The following SCFD1 variants were observed in gnomAD, a reference collection of about 807,000 sequenced individuals.
SCFD1 encodes sec1 family domain containing 1.
Under a neutral mutation model 103.2 loss-of-function variants are expected in SCFD1, and 37 were observed. That is an observed-to-expected ratio of 0.36 (90% CI 0.28 to 0.47). The LOEUF (loss-of-function observed/expected upper bound fraction) is 0.47. Ranked by LOEUF, SCFD1 falls within the 20% of genes least tolerant of loss-of-function variation. SCFD1 has a pLI of 1.00. For synonymous variants in SCFD1, 264 were observed against 245.0 expected, an observed-to-expected ratio of 1.08 and a Z score of -0.73; for missense variants, 639 against 761.2, an observed-to-expected ratio of 0.84 and a Z score of 1.89.
At chr14:30,726,184 A>T (rs577035881) in intron 23 of SCFD1, among the ~76,000 whole-genome samples, 1 of 151,470 alleles carries the variant, frequency 6.6e-6, no homozygotes, top group South Asian at 2.1e-4. Flanking sequence ...TAGTTACTGA[A>T]GTAGATTATA....
chr14:30,635,021 T>C (rs1302643231), intron 4 of SCFD1: 1 of 454,828 alleles, frequency 2.2e-6, no homozygotes, highest in Admixed American at 2.4e-5. Context: ...AGGAGAAAAG[T>C]AGATATTGGA....
intron 9 of SCFD1, among the ~76,000 whole-genome samples, 180 bp from the exon 10 acceptor site, chr14:30,653,309 G>A (rs965154233): frequency 6.6e-6 from 1 of 152,076 alleles, no homozygotes; most frequent in Non-Finnish European, 1.5e-5. Context: ...TCAACAAAAA[G>A]CAAAGTATTG....
intron 15 of SCFD1, among the ~76,000 whole-genome samples, chr14:30,696,120 G>GT (rs1890684660): frequency 6.6e-6 from 1 of 152,040 alleles, no homozygotes; most frequent in South Asian, 2.1e-4. Flanking sequence ...CATAATTATG[G>GT]TTTTTGAGTT....
chr14:30,641,330 T>C (rs901689057), intron 6 of SCFD1, among the ~76,000 whole-genome samples: 1 of 152,220 alleles, frequency 6.6e-6, no homozygotes, highest in African/African-American at 2.4e-5. Context: ...CTAAGGCTGC[T>C]ATCTTAGACA....
chr14:30,676,881 A>G (rs1889076639), intron 14 of SCFD1, among the ~76,000 whole-genome samples: 1 of 152,140 alleles, frequency 6.6e-6, no homozygotes. Context: ...TTTATAAGAC[A>G]TAATTTACTT....
intron 7 of SCFD1, among the ~76,000 whole-genome samples, chr14:30,646,387 C>T (rs1365499463): frequency 6.6e-6 from 1 of 150,384 alleles, no homozygotes; most frequent in Non-Finnish European, 1.5e-5. Context: ...TTGAGATGAT[C>T]ATATGGTTTT....
chr14:30,668,554 C>G (rs1304271718), intron 10 of SCFD1, among the ~76,000 whole-genome samples: 1 of 152,130 alleles, frequency 6.6e-6, no homozygotes, highest in Non-Finnish European at 1.5e-5. Context: ...CAAATGGGAT[C>G]TAATTAAACT....
chr14:30,644,533 A>G (rs1256182384), intron 7 of SCFD1, among the ~76,000 whole-genome samples: 2 of 152,162 alleles, frequency 1.3e-5, no homozygotes, highest in African/African-American at 4.8e-5. Context: ...CTTTTTAATA[A>G]TAGACATTCT....
chr14:30,646,235 A>C lies in SCFD1; in HGVS notation c.613+2830A>C, dbSNP rs139882823. On this transcript the variant is annotated intron_variant, in intron 7 of 24. Coordinates refer to ENST00000458591, the MANE Select transcript of SCFD1 (RefSeq NM_016106.4). ...ATGGGGTTTCACCATGTTGGTCAGGATGGTCTCAATCTCTTGACCTCGTGA... is the reference window on the plus strand; with the variant it reads ...ATGGGGTTTCACCATGTTGGTCAGGCTGGTCTCAATCTCTTGACCTCGTGA... 5.6e-3 allele frequency among the ~76,000 whole-genome samples: 849 copies of C among 151,212 alleles called. 10 individuals are homozygous for C. Among genetic ancestry groups the C allele is most frequent in the African/African-American group, 0.019 (779 of 41,182 alleles).
At chr14:30,715,647 C>T (rs527757806) in intron 19 of SCFD1, 2 of 231,282 alleles carry the variant, frequency 8.6e-6, no homozygotes, top group South Asian at 2.7e-4. Flanking sequence ...AAACACCCAA[C>T]AAAGTAAAAA....
At chr14:30,696,202 T>C (rs1890689317) in intron 15 of SCFD1, among the ~76,000 whole-genome samples, 1 of 152,230 alleles carries the variant, frequency 6.6e-6, no homozygotes, top group South Asian at 2.1e-4. Flanking sequence ...TGTTTTATAA[T>C]TAAAGATTCT....
chr14:30,655,453 G>A (rs1412061589), intron 10 of SCFD1, among the ~76,000 whole-genome samples: 1 of 152,166 alleles, frequency 6.6e-6, no homozygotes, highest in Admixed American at 6.5e-5. Flanking sequence ...AAAGGCCATT[G>A]ACTTTAATTT....
Position 30,709,381 on chromosome 14 carries a change from C to T in SCFD1, c.1629+1316C>T, listed in dbSNP as rs190784418. 2.2e-4 allele frequency among the ~76,000 whole-genome samples: 34 copies of T among 152,136 alleles called. 1 individual carries two copies. The East Asian group carries it at 4.8e-3, about 22-fold the overall frequency. ...GATGCTAGCTGGGACTACAGGCACG[C>T]ACCGCCACACCTGGCTAATCTTTGT... On this transcript the variant is annotated intron_variant, in intron 19 of 24. Transcript: ENST00000458591.
chr14:30,712,160 A>C (rs1480759673), intron 19 of SCFD1, among the ~76,000 whole-genome samples: 2 of 152,084 alleles, frequency 1.3e-5, no homozygotes, highest in Non-Finnish European at 1.5e-5. Context: ...TCATTGATAC[A>C]TCTCTCATCT....
intron 7 of SCFD1, among the ~76,000 whole-genome samples, chr14:30,649,033 G>T (rs897052484): frequency 6.6e-5 from 10 of 150,914 alleles, no homozygotes; most frequent in Admixed American, 5.3e-4. Flanking sequence ...TACTGATTTA[G>T]TCAATCCTTT....
chr14:30,670,086 T>C, intron 10 of SCFD1, 170 bp from the exon 11 acceptor site: 5 of 567,632 alleles, frequency 8.8e-6, no homozygotes. Context: ...TCTAATACTT[T>C]CATTAAAATA....
rs1884900069 is a variant in SCFD1, at chr14:30,638,002, C to CT, written c.313-116dup. The CT allele has an allele frequency of 3.2e-6, 4 of 1,260,090 alleles. No individual in the cohort carries two copies. In the South Asian group the frequency reaches 5.7e-5, roughly 18 times the overall value. 78.1% of individuals were successfully genotyped at this position (1,260,090 alleles called of 1,614,324 possible). ...TTCAAAGGTTTTTTCTCTTGGGATA[C>CT]TTTTTTTGATTGTCATTTAAATATC... is the stretch of plus-strand genomic sequence containing the variant. On this transcript the variant is annotated intron_variant, in intron 4 of 24. Coordinates refer to ENST00000458591, the MANE Select transcript of SCFD1 (RefSeq NM_016106.4).
At chr14:30,718,298 A>G (rs1392206656) in intron 20 of SCFD1, among the ~76,000 whole-genome samples, 1 of 152,182 alleles carries the variant, frequency 6.6e-6, no homozygotes, top group Admixed American at 6.5e-5. Flanking sequence ...CATTCCTTCC[A>G]CATTTCTCTG....
At chr14:30,665,179 C>G (rs1293875193) in intron 10 of SCFD1, among the ~76,000 whole-genome samples, 1 of 152,228 alleles carries the variant, frequency 6.6e-6, no homozygotes, top group African/African-American at 2.4e-5. Context: ...GCCCATCCGA[C>G]TAACAGTGGA....
Sources: allele counts gnomAD v4.1 joint callset (sites outside exome capture counted in the v4.1 genomes callset), GRCh38; gene constraint gnomAD v4.1.1; transcripts MANE v1.5; gene names NCBI Gene and HGNC (gene_info 2026-07-23, HGNC 2026-07-21).